GRM1: variants seen among roughly 807,000 people sequenced by gnomAD.
GRM1 encodes metabotropic glutamate receptor 1.
A neutral mutation model predicts 90.9 loss-of-function variants in GRM1; 33 were observed. The observed-to-expected ratio is 0.36, with a 90% CI of 0.28 to 0.49. GRM1 has a LOEUF of 0.49. Ranked by LOEUF, GRM1 falls within the 20% of genes least tolerant of loss-of-function variation. The pLI is 0.99. For missense variants in GRM1, 1,190 were observed against 1,534.3 expected (o/e 0.78, Z 3.75); for synonymous variants, 700 against 613.2 (o/e 1.14, Z -2.09).
At chr6:146,317,105 C>T (rs973725435) in intron 3 of GRM1, among the ~76,000 whole-genome samples, 4 of 152,118 alleles carry the variant, frequency 2.6e-5, no homozygotes, top group African/African-American at 9.7e-5. Flanking sequence ...TGTTTCTTAG[C>T]CATTTCCTTC....
chr6:146,397,504 A>T (rs1257266312), intron 6 of GRM1, among the ~76,000 whole-genome samples: 1 of 150,780 alleles, frequency 6.6e-6, no homozygotes, highest in East Asian at 2.0e-4. Context: ...AAAAAAAAAA[A>T]AGCACAAAAG....
chr6:146,056,136 C>T (rs896080337), intron 1 of GRM1, among the ~76,000 whole-genome samples: 1 of 152,088 alleles, frequency 6.6e-6, no homozygotes, highest in African/African-American at 2.4e-5. Flanking sequence ...GTTTGGAATG[C>T]AGTATCTTTC....
intron 1 of GRM1, among the ~76,000 whole-genome samples, chr6:146,158,213 A>G (rs1048849661): frequency 3.3e-5 from 5 of 152,218 alleles, no homozygotes; most frequent in Non-Finnish European, 7.3e-5. Context: ...TCAGGAAAAC[A>G]TAAGAGAGTT....
intron 1 of GRM1, among the ~76,000 whole-genome samples, chr6:146,080,764 G>A (rs1776339523): frequency 6.6e-6 from 1 of 152,200 alleles, no homozygotes; most frequent in Admixed American, 6.5e-5. Context: ...CCCAACTGTG[G>A]GTCGGAAGCA....
At chr6:146,110,598 C>A (rs979999930) in intron 1 of GRM1, among the ~76,000 whole-genome samples, 1 of 152,212 alleles carries the variant, frequency 6.6e-6, no homozygotes, top group Admixed American at 6.5e-5. Flanking sequence ...CTAGCTCCTT[C>A]TCTCAATGAA....
chr6:146,102,914 C>T (rs560994856), intron 1 of GRM1, among the ~76,000 whole-genome samples: 4 of 152,248 alleles, frequency 2.6e-5, no homozygotes, highest in African/African-American at 7.2e-5. Flanking sequence ...AAAAGTGTGG[C>T]TGAGAACATC....
chr6:146,159,907 C>A (rs1297246550), intron 2 of GRM1: 2 of 163,008 alleles, frequency 1.2e-5, no homozygotes, highest in Non-Finnish European at 2.3e-5. Context: ...CAGAGTGAGA[C>A]CTTAACTATA....
chr6:146,189,955 T>TA (rs1232096091), intron 2 of GRM1, among the ~76,000 whole-genome samples: 1 of 152,206 alleles, frequency 6.6e-6, no homozygotes, highest in Non-Finnish European at 1.5e-5. Flanking sequence ...GAATTCTATG[T>TA]TACAGTGTTT....
At chr6:146,288,834 T>C (rs1401287821) in intron 2 of GRM1, among the ~76,000 whole-genome samples, 1 of 152,140 alleles carries the variant, frequency 6.6e-6, no homozygotes, top group Non-Finnish European at 1.5e-5. Context: ...ATGGACTATG[T>C]ATACTACAGT....
At chr6:146,155,887 T>A (rs1231193385) in intron 1 of GRM1, among the ~76,000 whole-genome samples, 4 of 152,214 alleles carry the variant, frequency 2.6e-5, no homozygotes, top group African/African-American at 7.2e-5. Flanking sequence ...TGTAGCTTTC[T>A]GTAAAGGAGT....
intron 2 of GRM1, among the ~76,000 whole-genome samples, chr6:146,165,249 G>T (rs1323617237): frequency 6.6e-6 from 1 of 152,090 alleles, no homozygotes; most frequent in Admixed American, 6.6e-5. Flanking sequence ...GGTTTTTACT[G>T]TGTACCTTTT....
intron 2 of GRM1, among the ~76,000 whole-genome samples, chr6:146,222,846 C>T (rs754446265): frequency 2.0e-5 from 3 of 152,042 alleles, no homozygotes; most frequent in African/African-American, 4.8e-5. Context: ...GGTCTGGTTA[C>T]TCTGAAGAGT....
At chr6:146,169,038 T>C (rs1375509204) in intron 2 of GRM1, among the ~76,000 whole-genome samples, 1 of 152,180 alleles carries the variant, frequency 6.6e-6, no homozygotes, top group Middle Eastern at 3.2e-3. Flanking sequence ...TTTGTTGTTA[T>C]ATTCTTTCTA....
intron 2 of GRM1, among the ~76,000 whole-genome samples, chr6:146,188,544 CT>C (rs1370338195): frequency 6.6e-6 from 1 of 152,172 alleles, no homozygotes; most frequent in Non-Finnish European, 1.5e-5. Context: ...TATTATCCTA[CT>C]TTTAAATGTT....
chr6:146,231,978 G>C (rs1338402649), intron 2 of GRM1, among the ~76,000 whole-genome samples: 2 of 152,110 alleles, frequency 1.3e-5, no homozygotes, highest in African/African-American at 2.4e-5. Context: ...GGGAAAGTTA[G>C]TGTAGAATTG....
chr6:146,406,652 A>T (rs986268338), intron 7 of GRM1, among the ~76,000 whole-genome samples: 1 of 152,020 alleles, frequency 6.6e-6, no homozygotes, highest in African/African-American at 2.4e-5. Context: ...AACATGGCAA[A>T]TCTCTGTCTC....
chr6:146,151,221 T>C (rs990851013), intron 1 of GRM1, among the ~76,000 whole-genome samples: 2 of 152,152 alleles, frequency 1.3e-5, no homozygotes, highest in Non-Finnish European at 2.9e-5. Context: ...GAGTATAAGA[T>C]AGCAGATTCT....
intron 5 of GRM1, among the ~76,000 whole-genome samples, chr6:146,367,530 T>C (rs1475274403): frequency 6.6e-6 from 1 of 152,102 alleles, no homozygotes; most frequent in Admixed American, 6.6e-5. Context: ...GTGGCCCAGT[T>C]GGAGAGCTAG....
chr6:146,178,795 A>G (rs1778430337), intron 2 of GRM1, among the ~76,000 whole-genome samples: 1 of 152,190 alleles, frequency 6.6e-6, no homozygotes, highest in African/African-American at 2.4e-5. Context: ...CTATGCTTGT[A>G]TATTCATGTT....
Sources: gnomAD v4.1 joint callset for allele counts (sites outside exome capture counted in the v4.1 genomes callset) on GRCh38, gnomAD v4.1.1 for gene constraint, MANE v1.5 for transcripts, NCBI Gene and HGNC (gene_info 2026-07-23, HGNC 2026-07-21) for gene names.